Variants in FAM227A observed in about 807,000 individuals in gnomAD.
FAM227A encodes the protein family with sequence similarity 227 member A, also known as protein FAM227A.
In FAM227A, 80 loss-of-function variants were observed where a neutral mutation model predicts 74.7. The observed-to-expected ratio is 1.07, with a 90% CI of 0.89 to 1.29. FAM227A has a LOEUF of 1.29. FAM227A is among the 50% of genes most tolerant of loss of function. The probability of loss-of-function intolerance (pLI) is 0.00; values close to 1 mark genes in which losing one functional copy is unlikely to be tolerated. For missense variants in FAM227A, 654 were observed against 683.4 expected (o/e 0.96, Z 0.48); for synonymous variants, 237 against 241.8 (o/e 0.98, Z 0.19).
In FAM227A at chr22:38,605,282, C is replaced by T. The variant is rs951895908; in HGVS notation, c.1193G>A (p.Arg398Lys). ...TQEVKRISEA[R>K]ECENMFPKKS... Reference sequence around the variant, plus strand: ...TTTAGGAAACATATTCTCACATTCTCTTGCTTCTGATATCCTCTTGACTTC... The same window carrying T: ...TTTAGGAAACATATTCTCACATTCTTTTGCTTCTGATATCCTCTTGACTTC... Residue 398 changes from arginine to lysine, a missense_variant, in exon 13 of 17, where the codon AGA (arginine) becomes AAA (lysine). By Grantham distance (26) the Arg-to-Lys change is conservative. Coordinates refer to ENST00000535113, the MANE Select transcript of FAM227A (RefSeq NM_001013647.2). 6 of 1,550,120 alleles carry T rather than the reference C, an allele frequency of 3.9e-6. No individual in the cohort carries two copies. The highest frequency in any genetic ancestry group is 1.4e-5 in the African/African-American group (1 of 72,994).
At chr22:38,629,545 T>C (rs912339140) in intron 6 of FAM227A, among the ~76,000 whole-genome samples, 5 of 152,244 alleles carry the variant, frequency 3.3e-5, no homozygotes, top group Non-Finnish European at 5.9e-5. Flanking sequence ...GTAGTACAGT[T>C]ATCCTACTGT....
At chr22:38,600,691 C>G (rs2091155100) in intron 13 of FAM227A, among the ~76,000 whole-genome samples, 1 of 152,028 alleles carries the variant, frequency 6.6e-6, no homozygotes, top group Non-Finnish European at 1.5e-5. Context: ...GGTGCGGTAG[C>G]TCACACCTGT....
intron 13 of FAM227A, among the ~76,000 whole-genome samples, chr22:38,601,802 C>T (rs2091184519): frequency 6.6e-6 from 1 of 151,976 alleles, no homozygotes; most frequent in South Asian, 2.1e-4. Context: ...GAGTCTAGGG[C>T]GGCTCAGAGG....
At chr22:38,644,192 T>C (rs929314846) in intron 3 of FAM227A, among the ~76,000 whole-genome samples, 2 of 136,484 alleles carry the variant, frequency 1.5e-5, no homozygotes, top group African/African-American at 2.7e-5. Context: ...CTAAAAAGCA[T>C]ACTAAGTGAA....
rs1248995469 is a variant in FAM227A at position 38,583,905 on chromosome 22, C to T, written c.*2220G>A. ...CTTGGTTTGGGCAAACAGCCATCTG[C>T]ACCATTTCTTTCCTCTTGGCTGTGA... On this transcript the variant is annotated 3_prime_UTR_variant, in exon 17 of 17. Transcript: ENST00000535113. 1 of 152,302 alleles carries T rather than the reference C, an allele frequency of 6.6e-6. No individual in the cohort carries two copies. The highest frequency in any genetic ancestry group is 1.9e-4 in the East Asian group (1 of 5,204). The allele number at this position is 152,302 out of a possible 1,614,324, so 9.4% of individuals were successfully genotyped here. A position where few individuals can be genotyped will look rare whatever the true frequency, so the allele number is the denominator to read the frequency against.
At chr22:38,641,948 G>GGTGTGTGT (rs3042708) in intron 3 of FAM227A, among the ~76,000 whole-genome samples, 43 of 145,520 alleles carry the variant, frequency 3.0e-4, no homozygotes, top group East Asian at 9.9e-4. Flanking sequence ...CTCCCGAAAA[G>GGTGTGTGT]GTGTGTGTGT....
chr22:38,615,674 G>A (rs572043052), intron 11 of FAM227A, among the ~76,000 whole-genome samples: 24 of 152,288 alleles, frequency 1.6e-4, no homozygotes, highest in Non-Finnish European at 2.6e-4. Context: ...GATTCTGTAC[G>A]GCACTGCAAG....
At chr22:38,617,427 C>T (rs1569211452) in intron 11 of FAM227A, among the ~76,000 whole-genome samples, 1 of 151,790 alleles carries the variant, frequency 6.6e-6, no homozygotes, top group African/African-American at 2.4e-5. Flanking sequence ...TCCCGAGTAG[C>T]TGGGACTACA....
At chr22:38,607,045 C>T (rs549101420) in intron 12 of FAM227A, among the ~76,000 whole-genome samples, 150 of 152,070 alleles carry the variant, frequency 9.9e-4, no homozygotes, top group Non-Finnish European at 1.9e-3. Flanking sequence ...GGCGTGGTAG[C>T]GCACGCCTGT....
At chr22:38,643,062 C>G (rs1169334460) in intron 3 of FAM227A, among the ~76,000 whole-genome samples, 2 of 152,124 alleles carry the variant, frequency 1.3e-5, no homozygotes, top group Non-Finnish European at 2.9e-5. Context: ...CGCCTGTAAT[C>G]TCAGCACTTT....
At chr22:38,641,948 G>GGTGTGTGTGT (rs3042708) in intron 3 of FAM227A, among the ~76,000 whole-genome samples, 6 of 145,522 alleles carry the variant, frequency 4.1e-5, no homozygotes, top group East Asian at 2.0e-4. Context: ...CTCCCGAAAA[G>GGTGTGTGTGT]GTGTGTGTGT....
chr22:38,621,599 C>A (rs1200754926), intron 10 of FAM227A, among the ~76,000 whole-genome samples: 1 of 152,004 alleles, frequency 6.6e-6, no homozygotes, highest in African/African-American at 2.4e-5. Flanking sequence ...AGCAAGACTC[C>A]AAAAAACCAA....
intron 4 of FAM227A, 62 bp downstream of exon 4, chr22:38,639,593 T>C: frequency 5.5e-6 from 8 of 1,459,278 alleles, no homozygotes; most frequent in Non-Finnish European, 7.5e-6. Flanking sequence ...TCAGTTGCAT[T>C]TTAGATACTA....
At chr22:38,647,103 C>T (rs1208733654) in intron 2 of FAM227A, among the ~76,000 whole-genome samples, 4 of 150,946 alleles carry the variant, frequency 2.6e-5, no homozygotes, top group Non-Finnish European at 4.4e-5. Flanking sequence ...GAGCCAAGAT[C>T]GTGCCACGGC....
At chr22:38,655,363 C>G (rs1039941109) in intron 1 of FAM227A, among the ~76,000 whole-genome samples, 1 of 150,626 alleles carries the variant, frequency 6.6e-6, no homozygotes, top group African/African-American at 2.4e-5. Context: ...AACGCCATCT[C>G]TACTAAAAAT....
At chr22:38,633,158 G>A (rs542759556) in intron 6 of FAM227A, among the ~76,000 whole-genome samples, 86 of 152,176 alleles carry the variant, frequency 5.7e-4, no homozygotes, top group Non-Finnish European at 8.7e-4. Context: ...GTGAGTGAAA[G>A]TTTGACATGG....
intron 6 of FAM227A, among the ~76,000 whole-genome samples, chr22:38,632,538 T>C (rs1014193346): frequency 6.6e-6 from 1 of 152,216 alleles, no homozygotes; most frequent in Admixed American, 6.5e-5. Context: ...AATAAATCTC[T>C]GTTCTTTATA....
intron 12 of FAM227A, among the ~76,000 whole-genome samples, chr22:38,605,601 T>C (rs1398399698): frequency 6.6e-6 from 1 of 152,234 alleles, no homozygotes; most frequent in Non-Finnish European, 1.5e-5. Flanking sequence ...AAGCAGTGTT[T>C]AGAGGGAAGT....
In FAM227A at chr22:38,582,858, C is replaced by T. The variant is rs766665821; in HGVS notation, c.*3267G>A. The T allele has an allele frequency of 4.3e-5, 67 of 1,550,282 alleles. No individual in the cohort carries two copies. The highest frequency in any genetic ancestry group is 9.8e-5 in the Admixed American group (5 of 50,974). On this transcript the variant is annotated 3_prime_UTR_variant, in exon 17 of 17. Coordinates refer to ENST00000535113, the MANE Select transcript of FAM227A (RefSeq NM_001013647.2). ...GCATAATGCAGTGGAGCACTTGTGC[C>T]TACCTTGCTCCTGGTATATTAGGGA...
Sources: allele counts gnomAD v4.1 joint callset (sites outside exome capture counted in the v4.1 genomes callset), GRCh38; gene constraint gnomAD v4.1.1; transcripts MANE v1.5; gene names NCBI Gene and HGNC (gene_info 2026-07-23, HGNC 2026-07-21).